The following ARSJ variants were observed in gnomAD, a reference collection of about 807,000 sequenced individuals.
ARSJ encodes arylsulfatase family member J.
A neutral mutation model predicts 35.9 loss-of-function variants in ARSJ; 26 were observed. The ratio of observed to expected loss-of-function variants is 0.72; its 90% CI spans 0.53 to 1.00. The LOEUF (loss-of-function observed/expected upper bound fraction) is 1.00. Ranked by LOEUF, ARSJ falls within the 50% of genes least tolerant of loss-of-function variation. The pLI is 0.00. For synonymous variants in ARSJ, 294 were observed against 267.6 expected (o/e 1.10, Z -0.96); for missense variants, 667 against 723.6 (o/e 0.92, Z 0.90).
intron 1 of ARSJ, among the ~76,000 whole-genome samples, chr4:113,926,991 T>C (rs2149262090): frequency 6.6e-6 from 1 of 152,260 alleles, no homozygotes; most frequent in South Asian, 2.1e-4. Flanking sequence ...TGCTGGGTCA[T>C]ATTGTCCAAG....
intron 1 of ARSJ, 31 bp downstream of exon 1, chr4:113,978,406 A>G (rs774401182): frequency 1.4e-5 from 21 of 1,521,628 alleles, no homozygotes; most frequent in Non-Finnish European, 1.8e-5. Flanking sequence ...GATTTCTCCA[A>G]GGAATAAATA....
chr4:113,905,226 ATAAAAT>A (rs1398728835), intron 1 of ARSJ, among the ~76,000 whole-genome samples: 1 of 152,254 alleles, frequency 6.6e-6, no homozygotes, highest in Non-Finnish European at 1.5e-5. Flanking sequence ...AAAAATGAAA[ATAAAAT>A]TAAGGTTGCA....
chr4:113,969,300 A>T (rs1023604511), intron 1 of ARSJ, among the ~76,000 whole-genome samples: 10 of 152,214 alleles, frequency 6.6e-5, no homozygotes, highest in Admixed American at 1.3e-4. Flanking sequence ...AACTAACAAT[A>T]TCATGCAGAA....
At chr4:113,958,272 C>G (rs1490467187) in intron 1 of ARSJ, among the ~76,000 whole-genome samples, 1 of 151,982 alleles carries the variant, frequency 6.6e-6, no homozygotes, top group Admixed American at 6.6e-5. Context: ...AAAAATCAGC[C>G]TCCTTATTAA....
At chr4:113,956,863 TG>T (rs1222624461) in intron 1 of ARSJ, among the ~76,000 whole-genome samples, 1 of 151,938 alleles carries the variant, frequency 6.6e-6, no homozygotes, top group Admixed American at 6.6e-5. Flanking sequence ...CACGACGAGA[TG>T]TAGTGACTTT....
intron 1 of ARSJ, among the ~76,000 whole-genome samples, chr4:113,961,942 T>A (rs1726573164): frequency 7.0e-6 from 1 of 142,470 alleles, no homozygotes; most frequent in East Asian, 2.1e-4. Flanking sequence ...TGTGTGTGTG[T>A]AAACACTTGA....
At chr4:113,971,104 T>C (rs1441403515) in intron 1 of ARSJ, among the ~76,000 whole-genome samples, 1 of 151,996 alleles carries the variant, frequency 6.6e-6, no homozygotes, top group African/African-American at 2.4e-5. Context: ...GGAATATAAC[T>C]AGAATTATAA....
At chr4:113,971,737 T>C (rs1257721216) in intron 1 of ARSJ, among the ~76,000 whole-genome samples, 2 of 152,234 alleles carry the variant, frequency 1.3e-5, no homozygotes, top group African/African-American at 4.8e-5. Context: ...ACTAAATATA[T>C]ATGAAAGTAA....
At chr4:113,917,085 T>G (rs1475041986) in intron 1 of ARSJ, among the ~76,000 whole-genome samples, 1 of 152,150 alleles carries the variant, frequency 6.6e-6, no homozygotes, top group African/African-American at 2.4e-5. Flanking sequence ...AAATACTGTA[T>G]CTATTAACCT....
chr4:113,955,472 C>G (rs1338333937), intron 1 of ARSJ, among the ~76,000 whole-genome samples: 1 of 151,446 alleles, frequency 6.6e-6, no homozygotes, highest in Non-Finnish European at 1.5e-5. Context: ...AATACTCAAG[C>G]CCAGGTTCCA....
At chr4:113,946,907 AG>A in intron 1 of ARSJ, among the ~76,000 whole-genome samples, 1 of 152,170 alleles carries the variant, frequency 6.6e-6, no homozygotes, top group South Asian at 2.1e-4. Flanking sequence ...AAAAATGTTA[AG>A]GGTATTTTAA....
At position 113,978,672 on chromosome 4, in the gene ARSJ, C is replaced by T. The variant is rs1727743543; in HGVS notation, c.163G>A (p.Glu55Lys). The change falls in exon 1 of 2, where the codon GAA becomes AAA. Residue 55 changes from glutamate to lysine, a missense_variant. Transcript: ENST00000315366. Reference sequence around the variant, plus strand: ...CCAGCTTGAGCTAGTAAGGCCCCTTCTTCCTCCTCTTCTAAGGCCTGGCCC... The same window carrying T: ...CCAGCTTGAGCTAGTAAGGCCCCTTTTTCCTCCTCTTCTAAGGCCTGGCCC... Reference protein sequence around the residue: ...SWGQALEEEEEGALLAQAGEK... With the variant: ...SWGQALEEEEKGALLAQAGEK... 3 of 1,614,112 alleles carry T rather than the reference C, an allele frequency of 1.9e-6. No homozygotes were observed. Among genetic ancestry groups the T allele is most frequent in the South Asian group, 1.1e-5 (1 of 91,088 alleles).
rs750774954 is a variant in ARSJ at position 113,978,586 on chromosome 4, C to A, written c.249G>T (p.Ala83=). 1 of 1,614,182 alleles carries A rather than the reference C, an allele frequency of 6.2e-7. No individual in the cohort carries two copies. Among genetic ancestry groups the A allele is most frequent in the Non-Finnish European group, 8.5e-7 (1 of 1,180,040 alleles). The change falls in exon 1 of 2, where the codon GCG becomes GCT. Residue 83 remains alanine, a synonymous_variant. Coordinates refer to ENST00000315366, the MANE Select transcript of ARSJ (RefSeq NM_024590.4). ...TSQPHLIFIL[A]DDQGFRDVGY... is the part of the protein sequence containing the mutation. The stretch of plus-strand genomic sequence containing the variant: ...CCACATCTCTAAATCCCTGATCATC[C>A]GCTAGGATGAAAATGAGATGGGGCT...
intron 1 of ARSJ, among the ~76,000 whole-genome samples, chr4:113,951,407 T>G (rs1370262306): frequency 6.6e-6 from 1 of 152,068 alleles, no homozygotes; most frequent in Non-Finnish European, 1.5e-5. Context: ...GTGTCCCTCT[T>G]ACAATCTGGC....
intron 1 of ARSJ, among the ~76,000 whole-genome samples, chr4:113,960,417 G>T (rs111901310): frequency 6.6e-6 from 1 of 151,982 alleles, no homozygotes; most frequent in Non-Finnish European, 1.5e-5. Context: ...TATTTTCTGT[G>T]TACCTCCAGT....
chr4:113,916,699 A>G (rs746830331), intron 1 of ARSJ, among the ~76,000 whole-genome samples: 1 of 152,158 alleles, frequency 6.6e-6, no homozygotes, highest in African/African-American at 2.4e-5. Context: ...CCTGGTAGTC[A>G]GATTGGAATT....
intron 1 of ARSJ, among the ~76,000 whole-genome samples, chr4:113,922,458 C>G (rs2149259404): frequency 6.6e-6 from 1 of 152,216 alleles, no homozygotes; most frequent in Admixed American, 6.5e-5. Context: ...CCCATCAGCT[C>G]TATTGCTATG....
chr4:113,949,753 C>T (rs1725738454), intron 1 of ARSJ, among the ~76,000 whole-genome samples: 1 of 152,044 alleles, frequency 6.6e-6, no homozygotes, highest in Admixed American at 6.6e-5. Context: ...ATATTAGTGT[C>T]ATCTGAATAT....
At chr4:113,934,972 T>G (rs1349682646) in intron 1 of ARSJ, among the ~76,000 whole-genome samples, 2 of 151,872 alleles carry the variant, frequency 1.3e-5, no homozygotes, top group Non-Finnish European at 2.9e-5. Flanking sequence ...TAATCTATTT[T>G]CTTAATTTGA....
Sources: allele counts gnomAD v4.1 joint callset (sites outside exome capture counted in the v4.1 genomes callset), GRCh38; gene constraint gnomAD v4.1.1; transcripts MANE v1.5; gene names NCBI Gene and HGNC (gene_info 2026-07-23, HGNC 2026-07-21).